Variants in MIR2052HG observed in about 807,000 individuals in gnomAD.
MIR2052HG encodes MIR2052 host gene.
At chr8:74,633,789 G>T (rs1440856737) in intron 2 of MIR2052HG, among the ~76,000 whole-genome samples, 1 of 152,146 alleles carries the variant, frequency 6.6e-6, no homozygotes, top group African/African-American at 2.4e-5. Context: ...TATGCAATTG[G>T]CTGGTTATAA....
At chr8:74,603,766 T>C (rs1490068321) in intron 1 of MIR2052HG, 4 of 847,316 alleles carry the variant, frequency 4.7e-6, no homozygotes, top group Non-Finnish European at 8.3e-6. Context: ...ACAGATCTGT[T>C]TGACACACTC....
intron 2 of MIR2052HG, among the ~76,000 whole-genome samples, chr8:74,648,013 G>GTT (rs1808711547): frequency 1.3e-5 from 2 of 152,020 alleles, no homozygotes; most frequent in Non-Finnish European, 2.9e-5. Flanking sequence ...TGAAATCAGT[G>GTT]CACCCTAAAA....
At chr8:74,714,916 G>C (rs1288051159) in intron 4 of MIR2052HG, among the ~76,000 whole-genome samples, 1 of 151,988 alleles carries the variant, frequency 6.6e-6, no homozygotes, top group African/African-American at 2.4e-5. Context: ...CTGACCTCAA[G>C]TGATCCACCC....
At chr8:74,659,749 A>G (rs553127811) in intron 2 of MIR2052HG, among the ~76,000 whole-genome samples, 1 of 152,258 alleles carries the variant, frequency 6.6e-6, no homozygotes, top group East Asian at 1.9e-4. Context: ...CTGGCCAACC[A>G]TGTGCTTTTC....
chr8:74,645,384 C>G (rs574202516), intron 2 of MIR2052HG, among the ~76,000 whole-genome samples: 29 of 151,970 alleles, frequency 1.9e-4, no homozygotes, highest in Admixed American at 6.6e-5. Flanking sequence ...CTCCCAGGTT[C>G]AAGCAATTCT....
At chr8:74,657,567 A>G (rs1312150166) in intron 2 of MIR2052HG, among the ~76,000 whole-genome samples, 1 of 152,166 alleles carries the variant, frequency 6.6e-6, no homozygotes, top group Non-Finnish European at 1.5e-5. Context: ...CAAACCTGAG[A>G]CTGGGCAATT....
At chr8:74,745,826 C>T (rs1809879502) in intron 4 of MIR2052HG, among the ~76,000 whole-genome samples, 1 of 152,162 alleles carries the variant, frequency 6.6e-6, no homozygotes, top group South Asian at 2.1e-4. Context: ...AGAATTCACA[C>T]TGAGTAATAA....
At chr8:74,648,402 T>C (rs1472349065) in intron 2 of MIR2052HG, among the ~76,000 whole-genome samples, 1 of 152,200 alleles carries the variant, frequency 6.6e-6, no homozygotes, top group Non-Finnish European at 1.5e-5. Flanking sequence ...CCTGTTAAGA[T>C]GTTTATCATG....
At chr8:74,673,404 T>G (rs1219526236) in intron 2 of MIR2052HG, among the ~76,000 whole-genome samples, 1 of 152,074 alleles carries the variant, frequency 6.6e-6, no homozygotes, top group African/African-American at 2.4e-5. Flanking sequence ...ACCCATCAGA[T>G]AGATCACGAT....
At chr8:74,629,569 T>G (rs1808480752) in intron 2 of MIR2052HG, among the ~76,000 whole-genome samples, 2 of 152,114 alleles carry the variant, frequency 1.3e-5, no homozygotes, top group African/African-American at 4.8e-5. Context: ...GGGCTCTCCT[T>G]GAGAGCATAG....
chr8:74,667,025 G>C (rs1031292726), intron 2 of MIR2052HG, among the ~76,000 whole-genome samples: 1 of 152,170 alleles, frequency 6.6e-6, no homozygotes, highest in Non-Finnish European at 1.5e-5. Flanking sequence ...CTCCAGCAGG[G>C]TAGCTGGACT....
At chr8:74,744,074 G>T (rs1262390125) in intron 4 of MIR2052HG, among the ~76,000 whole-genome samples, 2 of 152,152 alleles carry the variant, frequency 1.3e-5, no homozygotes, top group South Asian at 2.1e-4. Flanking sequence ...TACAATGACT[G>T]TTTGCATTGA....
rs1296435396 is a variant in MIR2052HG at position 74,608,236 on chromosome 8, ATAGG to A, written n.129-4616_129-4613del. Among the ~76,000 whole-genome samples the A allele has an allele frequency of 4.5e-3, 679 of 152,188 alleles. 3 individuals carry two copies. The highest frequency in any genetic ancestry group is 0.016 in the African/African-American group (657 of 41,462). On this transcript the variant is annotated intron_variant and non_coding_transcript_variant, in intron 1 of 6. Coordinates refer to ENST00000523442, the Ensembl canonical transcript of MIR2052HG. The stretch of plus-strand genomic sequence containing the variant: ...GCACATAATTAGATGAACTTGCCCT[ATAGG>A]GAGTGTCTGGGGAAGAAGATGTAAA...
chr8:74,714,766 G>A (rs1170479884), intron 4 of MIR2052HG, among the ~76,000 whole-genome samples: 3 of 146,242 alleles, frequency 2.1e-5, no homozygotes, highest in East Asian at 4.0e-4. Flanking sequence ...GTGCAGTGGT[G>A]CAATCTCGGC....
intron 2 of MIR2052HG, among the ~76,000 whole-genome samples, chr8:74,665,401 A>G (rs1300842298): frequency 6.6e-6 from 1 of 152,186 alleles, no homozygotes; most frequent in Non-Finnish European, 1.5e-5. Flanking sequence ...ATTCACCTCC[A>G]GGTACTCTTT....
chr8:74,668,276 A>G (rs909703934), intron 2 of MIR2052HG, among the ~76,000 whole-genome samples: 1 of 151,954 alleles, frequency 6.6e-6, no homozygotes, highest in Non-Finnish European at 1.5e-5. Flanking sequence ...TGATATTTTA[A>G]TTTTTTCAAA....
intron 1 of MIR2052HG, among the ~76,000 whole-genome samples, chr8:74,611,328 G>A (rs915975188): frequency 3.3e-5 from 5 of 152,116 alleles, no homozygotes; most frequent in Admixed American, 3.3e-4. Context: ...AAATGTTGGA[G>A]AGGATGAAGA....
At chr8:74,700,709 T>A (rs1357033509) in intron 2 of MIR2052HG, among the ~76,000 whole-genome samples, 1 of 152,136 alleles carries the variant, frequency 6.6e-6, no homozygotes, top group Non-Finnish European at 1.5e-5. Flanking sequence ...AGACAGCTGA[T>A]TGTATTTTTT....
chr8:74,604,222 C>T, intron 1 of MIR2052HG: 1 of 901,266 alleles, frequency 1.1e-6, no homozygotes, highest in East Asian at 2.4e-5. Context: ...ATTTAATCCA[C>T]CTTCAATCAC....
Sources: gnomAD v4.1 joint callset for allele counts (sites outside exome capture counted in the v4.1 genomes callset) on GRCh38, gnomAD v4.1.1 for gene constraint, MANE v1.5 for transcripts, NCBI Gene and HGNC (gene_info 2026-07-23, HGNC 2026-07-21) for gene names.